Variants in NUP214 observed in about 807,000 individuals in gnomAD.
The protein encoded by NUP214 is nuclear pore complex protein Nup214.
In NUP214, 79 loss-of-function variants were observed where a neutral mutation model predicts 196.2. That is an observed-to-expected ratio of 0.40 (90% CI 0.34 to 0.49). NUP214 has a LOEUF of 0.49. NUP214 is among the 20% of genes least tolerant of loss of function. NUP214 has a pLI of 0.58. For missense variants in NUP214, 2,468 were observed against 2,539.0 expected, an observed-to-expected ratio of 0.97 and a Z score of 0.60; for synonymous variants, 1,020 against 990.5, an observed-to-expected ratio of 1.03 and a Z score of -0.56.
intron 17 of NUP214, among the ~76,000 whole-genome samples, chr9:131,158,658 G>T (rs1832531717): frequency 6.6e-6 from 1 of 152,110 alleles, no homozygotes; most frequent in African/African-American, 2.4e-5. Context: ...TAATTTTATG[G>T]GTGGGAGAGC....
At chr9:131,210,405 G>A (rs138393713) in intron 30 of NUP214, among the ~76,000 whole-genome samples, 24 of 149,002 alleles carry the variant, frequency 1.6e-4, no homozygotes, top group East Asian at 5.8e-4. Flanking sequence ...CAAGGCGGGC[G>A]GATCACGAGG....
intron 4 of NUP214, among the ~76,000 whole-genome samples, 162 bp from the exon 5 acceptor site, chr9:131,130,604 G>A (rs74913184): frequency 1.2e-3 from 185 of 152,222 alleles, no homozygotes; most frequent in African/African-American, 4.2e-3. Context: ...GGCTTATATC[G>A]TTAAAATGAT....
intron 21 of NUP214, chr9:131,164,460 G>C: frequency 3.8e-6 from 1 of 263,824 alleles, no homozygotes; most frequent in East Asian, 7.3e-5. Context: ...GGCTGAGCTG[G>C]ATCCTAGCCT....
At chr9:131,222,178 C>T (rs1834579570) in intron 31 of NUP214, among the ~76,000 whole-genome samples, 1 of 152,192 alleles carries the variant, frequency 6.6e-6, no homozygotes, top group Non-Finnish European at 1.5e-5. Flanking sequence ...ATCCCTATAT[C>T]CCCTTGGATC....
At chr9:131,142,623 G>A (rs1274760167) in intron 11 of NUP214, among the ~76,000 whole-genome samples, 1 of 152,216 alleles carries the variant, frequency 6.6e-6, no homozygotes, top group South Asian at 2.1e-4. Context: ...TATTTTTCAT[G>A]TCAGTTTACC....
At position 131,128,454 on chromosome 9, in the gene NUP214, T is replaced by C. The variant is rs1219003812; in HGVS notation, c.364T>C (p.Phe122Leu). The C allele has an allele frequency of 6.2e-7, 1 of 1,613,256 alleles. No homozygotes were observed. The highest frequency in any genetic ancestry group is 8.5e-7 in the Non-Finnish European group (1 of 1,179,410). ...MSSEYGSIIA[F>L]FDVRTFSNEA... ...CAGTGAATATGGTTCCATTATTGCT[T>C]TTTTTGATGTTCGCACATTCTCAAA... The change falls in exon 3 of 36, where the codon TTT becomes CTT. Residue 122 changes from phenylalanine (F) to leucine (L), a missense_variant. By Grantham distance (22) the Phe-to-Leu change is conservative. Coordinates refer to ENST00000359428, the MANE Select transcript of NUP214 (RefSeq NM_005085.4).
chr9:131,210,665 G>C (rs918771144), intron 30 of NUP214, among the ~76,000 whole-genome samples: 2 of 151,878 alleles, frequency 1.3e-5, no homozygotes, highest in African/African-American at 4.8e-5. Flanking sequence ...ATCTGTATTT[G>C]AAGTTTAAAT....
intron 23 of NUP214, chr9:131,175,899 C>A: frequency 2.7e-6 from 1 of 364,884 alleles, no homozygotes; most frequent in Non-Finnish European, 4.9e-6. Context: ...ATTGCTAATC[C>A]TACTTTTGAA....
intron 24 of NUP214, 142 bp downstream of exon 24, chr9:131,178,552 G>C (rs1588148980): frequency 1.6e-6 from 1 of 616,694 alleles, no homozygotes; most frequent in East Asian, 2.8e-5. Context: ...GGCTAAGCCT[G>C]CCTACACAAT....
At chr9:131,194,253 C>T (rs983384643) in intron 27 of NUP214, 1 of 150,380 alleles carries the variant, frequency 6.6e-6, no homozygotes, top group East Asian at 2.0e-4. Flanking sequence ...ACTACAACCT[C>T]CACCCCCAGG....
intron 5 of NUP214, among the ~76,000 whole-genome samples, chr9:131,132,284 A>G (rs539598654): frequency 4.4e-4 from 67 of 151,356 alleles, no homozygotes; most frequent in African/African-American, 1.6e-3. Flanking sequence ...ACACCCAGCT[A>G]TGTATTTTTA....
At position 131,127,637 on chromosome 9, in the gene NUP214, T is replaced by C. The variant is rs1419335285; in HGVS notation, c.159T>C (p.Ala53=). Residue 53 remains alanine (A), a synonymous_variant, in exon 2 of 36, where the codon GCT becomes GCC. Transcript: ENST00000359428. ...AVSNKYGLVF[A]GGASGLQIFP... ...CCAACAAATATGGTCTGGTCTTCGCTGGTGGAGCCAGTGGCTTGCAGATTT... is the reference window on the plus strand; with the variant it reads ...CCAACAAATATGGTCTGGTCTTCGCCGGTGGAGCCAGTGGCTTGCAGATTT... 1.2e-6 allele frequency: 2 copies of C among 1,614,140 alleles called. No individual in the cohort carries two copies. The highest frequency in any genetic ancestry group is 1.7e-5 in the Admixed American group (1 of 60,016).
chr9:131,175,681 C>G, intron 23 of NUP214, 60 bp downstream of exon 23: 1 of 1,560,710 alleles, frequency 6.4e-7, no homozygotes, highest in Non-Finnish European at 8.7e-7. Flanking sequence ...GAGTCACAGG[C>G]CAGGACAGCA....
At chr9:131,165,778 T>G (rs556013667) in intron 21 of NUP214, among the ~76,000 whole-genome samples, 1 of 152,360 alleles carries the variant, frequency 6.6e-6, no homozygotes, top group East Asian at 1.9e-4. Context: ...TGGAATATTA[T>G]TCAGTCTTTA....
chr9:131,178,596 G>A (rs1188377329), intron 24 of NUP214, among the ~76,000 whole-genome samples, 186 bp downstream of exon 24: 1 of 152,138 alleles, frequency 6.6e-6, no homozygotes, highest in East Asian at 1.9e-4. Flanking sequence ...TTAACTGGCC[G>A]GTGACAGTTG....
intron 30 of NUP214, among the ~76,000 whole-genome samples, chr9:131,208,112 C>T (rs935383361): frequency 5.3e-5 from 8 of 152,088 alleles, no homozygotes; most frequent in African/African-American, 1.9e-4. Flanking sequence ...AATTAGAACC[C>T]TCATACATTG....
intron 26 of NUP214, among the ~76,000 whole-genome samples, chr9:131,189,690 A>G (rs1361045062): frequency 6.6e-6 from 1 of 152,208 alleles, no homozygotes; most frequent in Non-Finnish European, 1.5e-5. Context: ...TTCTTAATTT[A>G]GTTTTCACAG....
intron 4 of NUP214, among the ~76,000 whole-genome samples, chr9:131,130,137 G>GTTTTTTTTTTTTGTT: frequency 1.3e-5 from 1 of 76,930 alleles, no homozygotes; most frequent in East Asian, 4.6e-4. Context: ...TTCTGGTTTT[G>GTTTTTTTTTTTTGTT]TTTTTTTTTT....
intron 21 of NUP214, among the ~76,000 whole-genome samples, chr9:131,165,605 A>G (rs1832764949): frequency 6.6e-6 from 1 of 152,254 alleles, no homozygotes; most frequent in Non-Finnish European, 1.5e-5. Context: ...TGGATGATCC[A>G]GCAATTTCAC....
Sources: allele counts gnomAD v4.1 joint callset (sites outside exome capture counted in the v4.1 genomes callset), GRCh38; gene constraint gnomAD v4.1.1; transcripts MANE v1.5; gene names NCBI Gene and HGNC (gene_info 2026-07-23, HGNC 2026-07-21).